The following ARHGAP28 variants were observed in gnomAD, a reference collection of about 807,000 sequenced individuals.
ARHGAP28 encodes the protein Rho GTPase activating protein 28, also known as rho GTPase-activating protein 28.
Under a neutral mutation model 90.7 loss-of-function variants are expected in ARHGAP28, and 56 were observed. That is an observed-to-expected ratio of 0.62 (90% CI 0.50 to 0.77). ARHGAP28 has a LOEUF of 0.77. Ranked by LOEUF, ARHGAP28 falls within the 30% of genes least tolerant of loss-of-function variation. The pLI is 0.00. For synonymous variants in ARHGAP28, 308 were observed against 323.3 expected, an observed-to-expected ratio of 0.95 and a Z score of 0.51; for missense variants, 869 against 900.9, an observed-to-expected ratio of 0.96 and a Z score of 0.45.
At chr18:6,837,530 CT>C (rs1194301195) in intron 3 of ARHGAP28, 116 bp downstream of exon 3, 2 of 787,968 alleles carry the variant, frequency 2.5e-6, no homozygotes, top group Non-Finnish European at 4.0e-6. Flanking sequence ...TCCATTCTAA[CT>C]TTTTGAGAAA....
chr18:6,848,148 A>C (rs1296827510), intron 3 of ARHGAP28, among the ~76,000 whole-genome samples: 1 of 152,194 alleles, frequency 6.6e-6, no homozygotes, highest in African/African-American at 2.4e-5. Flanking sequence ...TGAGCCAGTC[A>C]TAACATTGAG....
At chr18:6,842,040 A>G (rs1050798383) in intron 3 of ARHGAP28, among the ~76,000 whole-genome samples, 1 of 152,112 alleles carries the variant, frequency 6.6e-6, no homozygotes, top group East Asian at 1.9e-4. Flanking sequence ...CTGTTTTAAC[A>G]TTTATGCCTT....
At chr18:6,732,974 T>G (rs2055895477) in intron 1 of ARHGAP28, among the ~76,000 whole-genome samples, 1 of 152,062 alleles carries the variant, frequency 6.6e-6, no homozygotes, top group Non-Finnish European at 1.5e-5. Flanking sequence ...AAGCCTTGTT[T>G]GTCAAGAAAA....
At chr18:6,767,093 G>A (rs1012255443) in intron 1 of ARHGAP28, among the ~76,000 whole-genome samples, 3 of 151,848 alleles carry the variant, frequency 2.0e-5, no homozygotes, top group African/African-American at 7.3e-5. Flanking sequence ...GGTTTTTTTA[G>A]TATTTTATTT....
chr18:6,864,761 T>A (rs1567974854), intron 5 of ARHGAP28, among the ~76,000 whole-genome samples: 1 of 152,202 alleles, frequency 6.6e-6, no homozygotes, highest in Non-Finnish European at 1.5e-5. Flanking sequence ...CATGGCTCAC[T>A]GCAGCCTTGA....
intron 1 of ARHGAP28, among the ~76,000 whole-genome samples, chr18:6,744,032 A>G (rs2056001290): frequency 6.6e-6 from 1 of 152,194 alleles, no homozygotes; most frequent in South Asian, 2.1e-4. Flanking sequence ...CAATGAATGA[A>G]TGATTGAAAA....
Position 6,882,403 on chromosome 18 carries a change from T to G in ARHGAP28, c.1453+104T>G, listed in dbSNP as rs553441515. The stretch of plus-strand genomic sequence containing the variant: ...AATGTGCTCATGTATAGATTTGCTG[T>G]GTCCTGACAGTGCTTGGTGGAATAT... On this transcript the variant is annotated intron_variant, in intron 11 of 17. Transcript: ENST00000383472. The G allele has an allele frequency of 2.3e-5, 27 of 1,156,410 alleles. 1 individual carries two copies. The South Asian group carries it at 4.5e-4, about 19-fold the overall frequency. 71.6% of individuals were successfully genotyped at this position (1,156,410 alleles called of 1,614,324 possible).
intron 1 of ARHGAP28, among the ~76,000 whole-genome samples, chr18:6,806,558 C>T (rs1198112052): frequency 6.6e-6 from 1 of 151,898 alleles, no homozygotes; most frequent in East Asian, 1.9e-4. Flanking sequence ...AATTTTATAA[C>T]AGTCCACTTC....
chr18:6,870,894 G>A lies in ARHGAP28; in HGVS notation c.954+162G>A, dbSNP rs181527920. Among the ~76,000 whole-genome samples, 102 of 151,800 alleles carry A rather than the reference G, an allele frequency of 6.7e-4. 1 individual carries two copies. The highest frequency in any genetic ancestry group is 1.4e-3 in the African/African-American group (60 of 41,398). On this transcript the variant is annotated intron_variant, in intron 7 of 17. Transcript: ENST00000383472. The stretch of plus-strand genomic sequence containing the variant: ...CGGCTCACTGCAAGCTCTGCCTCCC[G>A]GGTTCACGCCATTCTCCTGCCTCAG...
At chr18:6,758,080 G>T (rs1199355012) in intron 1 of ARHGAP28, among the ~76,000 whole-genome samples, 1 of 152,202 alleles carries the variant, frequency 6.6e-6, no homozygotes, top group Non-Finnish European at 1.5e-5. Context: ...GTTTATTGGT[G>T]AAAGGTTTGG....
At chr18:6,850,083 A>C (rs889429036) in intron 3 of ARHGAP28, among the ~76,000 whole-genome samples, 1 of 152,180 alleles carries the variant, frequency 6.6e-6, no homozygotes, top group Non-Finnish European at 1.5e-5. Flanking sequence ...TATCATGCGT[A>C]ATTATAACTT....
intron 2 of ARHGAP28, among the ~76,000 whole-genome samples, chr18:6,830,787 C>A (rs1267746158): frequency 6.6e-6 from 1 of 152,154 alleles, no homozygotes; most frequent in African/African-American, 2.4e-5. Flanking sequence ...TTTTGGGGAA[C>A]ATAACTCAAC....
intron 3 of ARHGAP28, among the ~76,000 whole-genome samples, chr18:6,840,590 C>G (rs1206806082): frequency 6.6e-6 from 1 of 152,038 alleles, no homozygotes; most frequent in African/African-American, 2.4e-5. Context: ...CTGGAAAGAC[C>G]AAAAGAGGGC....
chr18:6,851,089 G>C lies in ARHGAP28; in HGVS notation c.599G>C (p.Arg200Thr). Residue 200 changes from arginine to threonine, a missense_variant, in exon 4 of 18, where the codon AGA (arginine) becomes ACA (threonine). Arg to Thr is a moderately conservative substitution (Grantham distance 71). Transcript: ENST00000383472. ...TNQLDGTKEE[R>T]ELPRVIKTSG... The stretch of plus-strand genomic sequence containing the variant: ...CAGCTGGATGGCACCAAGGAAGAAA[G>C]AGAGCTTCCAAGAGTTATCAAGACA... The C allele has an allele frequency of 6.2e-7, 1 of 1,614,106 alleles. No homozygotes were observed. Among genetic ancestry groups the C allele is most frequent in the Non-Finnish European group, 8.5e-7 (1 of 1,179,998 alleles).
At chr18:6,903,466 T>C (rs1332983464) in intron 16 of ARHGAP28, among the ~76,000 whole-genome samples, 1 of 152,124 alleles carries the variant, frequency 6.6e-6, no homozygotes, top group Non-Finnish European at 1.5e-5. Context: ...TGTACTGTAA[T>C]ATCCAGAGAA....
intron 14 of ARHGAP28, 22 bp downstream of exon 14, chr18:6,890,565 G>A: frequency 1.3e-6 from 2 of 1,496,662 alleles, no homozygotes; most frequent in Non-Finnish European, 1.8e-6. Context: ...AATGAGGCAT[G>A]GCGATTGTCC....
intron 1 of ARHGAP28, among the ~76,000 whole-genome samples, chr18:6,758,717 TTAAACATTTG>T (rs1404551383): frequency 6.6e-6 from 1 of 152,216 alleles, no homozygotes; most frequent in African/African-American, 2.4e-5. Flanking sequence ...CTTGGTCTAG[TTAAACATTTG>T]TAGGTAGACA....
chr18:6,840,689 G>T (rs1264472394), intron 3 of ARHGAP28, among the ~76,000 whole-genome samples: 1 of 152,138 alleles, frequency 6.6e-6, no homozygotes, highest in Non-Finnish European at 1.5e-5. Context: ...CAGTCCTGCT[G>T]CTGAAGTCTC....
chr18:6,851,214 ATAAT>A (rs2056908597), intron 4 of ARHGAP28, 88 bp downstream of exon 4: 1 of 1,153,074 alleles, frequency 8.7e-7, no homozygotes. Flanking sequence ...AAAGTGCAAC[ATAAT>A]TAAGATGGCT....
Sources: gnomAD v4.1 joint callset for allele counts (sites outside exome capture counted in the v4.1 genomes callset) on GRCh38, gnomAD v4.1.1 for gene constraint, MANE v1.5 for transcripts, NCBI Gene and HGNC (gene_info 2026-07-23, HGNC 2026-07-21) for gene names.